The following ABCD3 variants were observed in gnomAD, a reference collection of about 807,000 sequenced individuals.
ABCD3 encodes ATP-binding cassette sub-family D member 3.
In ABCD3, 41 loss-of-function variants were observed where a neutral mutation model predicts 105.5. That is an observed-to-expected ratio of 0.39 (90% CI 0.30 to 0.50). ABCD3 has a LOEUF of 0.50. Ranked by LOEUF, ABCD3 falls within the 20% of genes least tolerant of loss-of-function variation. The probability of loss-of-function intolerance (pLI) is 0.84; values close to 1 mark genes in which losing one functional copy is unlikely to be tolerated. For synonymous variants in ABCD3, 258 were observed against 269.0 expected (o/e 0.96, Z 0.40); for missense variants, 622 against 806.3 (o/e 0.77, Z 2.77).
intron 1 of ABCD3, among the ~76,000 whole-genome samples, chr1:94,425,829 A>G (rs1659446840): frequency 6.6e-6 from 1 of 152,168 alleles, no homozygotes; most frequent in Non-Finnish European, 1.5e-5. Flanking sequence ...GATCTTTATT[A>G]TGGAGGTAGT....
At chr1:94,472,072 A>C (rs1648483140) in intron 4 of ABCD3, 1 of 276,352 alleles carries the variant, frequency 3.6e-6, no homozygotes, top group Admixed American at 6.5e-5. Flanking sequence ...GCAGAATTTA[A>C]AAATTACCAA....
intron 7 of ABCD3, among the ~76,000 whole-genome samples, chr1:94,477,354 A>G (rs1648809521): frequency 6.6e-6 from 1 of 152,006 alleles, no homozygotes; most frequent in Middle Eastern, 3.4e-3. Context: ...TTGGCCGGGC[A>G]TAGTGGCTCA....
In ABCD3 at chr1:94,487,922, C is replaced by T. The variant is rs1649348958; in HGVS notation, c.1096C>T (p.Arg366Ter). The stretch of plus-strand genomic sequence containing the variant: ...CTACCAAAGTGGAAGAATGCTTTTG[C>T]GAATGTCTCAAGCTCTGGGTCGAAT... ...DYYQSGRMLL[R>*]MSQALGRIVL... The change falls in exon 13 of 23, where the codon CGA becomes TGA. Residue 366 changes from arginine (R) to a stop codon, truncating the protein, a stop_gained. Coordinates refer to ENST00000370214, the MANE Select transcript of ABCD3 (RefSeq NM_002858.4). LOFTEE classifies it high-confidence loss of function. 2 of 1,613,706 alleles carry T rather than the reference C, an allele frequency of 1.2e-6. No homozygotes were observed. Among genetic ancestry groups the T allele is most frequent in the African/African-American group, 1.3e-5 (1 of 75,008 alleles).
chr1:94,428,078 T>TTG (rs1557658780), intron 1 of ABCD3, among the ~76,000 whole-genome samples: 1 of 151,926 alleles, frequency 6.6e-6, no homozygotes, highest in African/African-American at 2.4e-5. Flanking sequence ...TGTTTTGTTT[T>TTG]TTTTTTTATT....
chr1:94,392,732 C>T, the ABCD3 span, among the ~76,000 whole-genome samples: 2 of 152,094 alleles, frequency 1.3e-5, no homozygotes, highest in Non-Finnish European at 2.9e-5. Flanking sequence ...ACAACTGTGC[C>T]TTCTGCTAAA....
intron 1 of ABCD3, among the ~76,000 whole-genome samples, chr1:94,442,360 A>T (rs952101599): frequency 6.6e-6 from 1 of 152,204 alleles, no homozygotes; most frequent in Non-Finnish European, 1.5e-5. Flanking sequence ...GTTGCTGTGG[A>T]GGAACCCAAT....
the ABCD3 span, among the ~76,000 whole-genome samples, chr1:94,398,789 C>T: frequency 2.0e-5 from 3 of 152,066 alleles, no homozygotes; most frequent in Non-Finnish European, 2.9e-5. Flanking sequence ...TGGCGGGCAC[C>T]TGTTATTCCA....
Position 94,498,686 on chromosome 1 carries a change from A to G in ABCD3, c.1464+7A>G, listed in dbSNP as rs771779341. ...TTTCCGTGTTCTTGGTGAAGTAAGT[A>G]CAAGTTGGCCTCAAAATTTTGCAGT... is the stretch of plus-strand genomic sequence containing the variant. On this transcript the variant is annotated splice_region_variant and intron_variant, in intron 17 of 22. Coordinates refer to ENST00000370214, the MANE Select transcript of ABCD3 (RefSeq NM_002858.4). The G allele has an allele frequency of 1.2e-6, 2 of 1,613,538 alleles. No individual in the cohort carries two copies. The highest frequency in any genetic ancestry group is 1.6e-4 in the Middle Eastern group (1 of 6,080).
intron 1 of ABCD3, among the ~76,000 whole-genome samples, chr1:94,458,371 C>T (rs777806562): frequency 6.6e-6 from 1 of 152,120 alleles, no homozygotes; most frequent in East Asian, 1.9e-4. Flanking sequence ...CTAAAAATTA[C>T]CAAACAGAAT....
intron 21 of ABCD3, among the ~76,000 whole-genome samples, chr1:94,510,883 G>A (rs1650635063): frequency 6.6e-6 from 1 of 152,028 alleles, no homozygotes; most frequent in African/African-American, 2.4e-5. Context: ...GCCTATGTGT[G>A]TCTCTGCACG....
intron 1 of ABCD3, among the ~76,000 whole-genome samples, chr1:94,457,778 A>G (rs1314505329): frequency 6.6e-6 from 1 of 152,154 alleles, no homozygotes; most frequent in African/African-American, 2.4e-5. Flanking sequence ...TTGGGCTTGC[A>G]TCAGTTTGAG....
rs754846454 is a variant in ABCD3, at chr1:94,487,729, C to T, written c.1003C>T (p.Arg335Cys). 16 of 1,614,000 alleles carry T rather than the reference C, an allele frequency of 9.9e-6. No individual in the cohort carries two copies. Among genetic ancestry groups the T allele is most frequent in the South Asian group, 4.4e-5 (4 of 91,060 alleles). ...ATVVGYLVVS[R>C]PFLDLSHPRH... ...TGTTGTTGGTTACCTAGTTGTCAGTCGCCCTTTCTTAGATTTGTCTCATCC... is the reference window on the plus strand; with the variant it reads ...TGTTGTTGGTTACCTAGTTGTCAGTTGCCCTTTCTTAGATTTGTCTCATCC... The change falls in exon 12 of 23, where the codon CGC (arginine) becomes TGC (cysteine). Residue 335 changes from arginine to cysteine, a missense_variant. Arg to Cys is a radical substitution (Grantham distance 180). Coordinates refer to ENST00000370214, the MANE Select transcript of ABCD3 (RefSeq NM_002858.4).
At chr1:94,395,335 A>G in the ABCD3 span, among the ~76,000 whole-genome samples, 2 of 152,326 alleles carry the variant, frequency 1.3e-5, no homozygotes, top group Non-Finnish European at 2.9e-5. Flanking sequence ...AAACCAGAAG[A>G]GATGGTGGAG....
intron 1 of ABCD3, among the ~76,000 whole-genome samples, chr1:94,436,691 A>AT (rs1168624481): frequency 6.6e-6 from 1 of 152,182 alleles, no homozygotes; most frequent in Non-Finnish European, 1.5e-5. Flanking sequence ...AATTCTCGTG[A>AT]TATTTCAAAC....
intron 2 of ABCD3, among the ~76,000 whole-genome samples, chr1:94,462,407 T>G (rs1008558750): frequency 2.0e-5 from 3 of 152,200 alleles, no homozygotes; most frequent in Non-Finnish European, 4.4e-5. Flanking sequence ...TCAAGATTCC[T>G]GACATCTCTT....
intron 1 of ABCD3, among the ~76,000 whole-genome samples, chr1:94,439,597 C>G (rs1475731651): frequency 2.0e-5 from 3 of 152,126 alleles, no homozygotes; most frequent in Non-Finnish European, 2.9e-5. Context: ...TGCTGCTGCA[C>G]TCCAGCCTGG....
At chr1:94,390,583 G>A in the ABCD3 span, among the ~76,000 whole-genome samples, 1 of 152,134 alleles carries the variant, frequency 6.6e-6, no homozygotes, top group Non-Finnish European at 1.5e-5. Flanking sequence ...GATTACAGGT[G>A]TGTGCCATGG....
Position 94,498,618 on chromosome 1 carries a change from A to G in ABCD3, c.1403A>G (p.Asn468Ser). The change falls in exon 17 of 23, where the codon AAT becomes AGT. Residue 468 changes from asparagine (N) to serine (S), a missense_variant. Coordinates refer to ENST00000370214, the MANE Select transcript of ABCD3 (RefSeq NM_002858.4). ...TTTTTTCAGGTTCGATCTGGGGCTA[A>G]TGTTCTAATTTGTGGTCCAAATGGC... ...DLNFEVRSGA[N>S]VLICGPNGCG... The G allele has an allele frequency of 1.2e-6, 2 of 1,612,070 alleles. No individual in the cohort carries two copies. The highest frequency in any genetic ancestry group is 1.7e-6 in the Non-Finnish European group (2 of 1,179,236).
chr1:94,480,408 T>G, intron 8 of ABCD3, 56 bp from the exon 9 acceptor site: 6 of 1,601,500 alleles, frequency 3.7e-6, no homozygotes, highest in Non-Finnish European at 4.3e-6. Context: ...TGTATCTAAG[T>G]GAATTTATTA....
Sources: allele counts gnomAD v4.1 joint callset (sites outside exome capture counted in the v4.1 genomes callset), GRCh38; gene constraint gnomAD v4.1.1; transcripts MANE v1.5; gene names NCBI Gene and HGNC (gene_info 2026-07-23, HGNC 2026-07-21).